UGT3A1: variants seen among roughly 807,000 people sequenced by gnomAD.
UGT3A1 encodes UDP-glycosyltransferase 3A1.
A neutral mutation model predicts 37.6 loss-of-function variants in UGT3A1; 40 were observed. The observed-to-expected ratio is 1.06, with a 90% confidence interval of 0.83 to 1.38. The LOEUF (loss-of-function observed/expected upper bound fraction) is 1.38, where lower values mean the gene tolerates loss of function less well. UGT3A1 is among the 40% of genes most tolerant of loss of function. The probability of loss-of-function intolerance (pLI) is 0.00; values close to 1 mark genes in which losing one functional copy is unlikely to be tolerated. For missense variants in UGT3A1, 642 were observed against 634.2 expected, an observed-to-expected ratio of 1.01 and a Z score of -0.13; for synonymous variants, 256 against 232.3, an observed-to-expected ratio of 1.10 and a Z score of -0.93.
At chr5:35,989,491 G>C (rs924709969) in intron 1 of UGT3A1, among the ~76,000 whole-genome samples, 14 of 152,202 alleles carry the variant, frequency 9.2e-5, no homozygotes, top group Non-Finnish European at 1.8e-4. Context: ...GCAGCTGTCT[G>C]AATGACTCAC....
chr5:35,984,662 A>T, intron 2 of UGT3A1, among the ~76,000 whole-genome samples: 1 of 151,904 alleles, frequency 6.6e-6, no homozygotes, highest in East Asian at 1.9e-4. Context: ...TGGTAGAGAC[A>T]GGGTTTCGCC....
intron 4 of UGT3A1, among the ~76,000 whole-genome samples, chr5:35,963,819 G>A (rs938048747): frequency 6.6e-6 from 1 of 152,218 alleles, no homozygotes; most frequent in Non-Finnish European, 1.5e-5. Flanking sequence ...AGCTGGGAAG[G>A]GAGGGGTTAA....
chr5:35,972,114 T>C (rs910126189), intron 2 of UGT3A1, among the ~76,000 whole-genome samples: 1 of 152,090 alleles, frequency 6.6e-6, no homozygotes, highest in Admixed American at 6.6e-5. Context: ...AAGGAAGCCA[T>C]AAAACAGAGG....
Position 35,965,258 on chromosome 5 carries a change from C to T in UGT3A1, c.843+128G>A, listed in dbSNP as rs1182292829. On this transcript the variant is annotated intron_variant, in intron 4 of 6. Coordinates refer to ENST00000274278, the MANE Select transcript of UGT3A1 (RefSeq NM_152404.4). The stretch of plus-strand genomic sequence containing the variant: ...TGAAAGTCAGCACTTCCTTTAAGAA[C>T]GTGCCCTAGGTGCCTCCTTTGCCAA... 18 of 1,387,556 alleles carry T rather than the reference C, an allele frequency of 1.3e-5. No homozygotes were observed. The East Asian group carries it at 1.6e-4, about 13-fold the overall frequency. 86.0% of individuals were successfully genotyped at this position (1,387,556 alleles called of 1,614,324 possible).
At chr5:35,993,758 C>G (rs1265261505), upstream of UGT3A1, among the ~76,000 whole-genome samples, 3 of 152,166 alleles carry the variant, frequency 2.0e-5, no homozygotes, top group Non-Finnish European at 2.9e-5. Context: ...TGCAGCCTCT[C>G]ATCTCTCGTG....
chr5:35,977,379 C>T (rs944199753), intron 2 of UGT3A1, among the ~76,000 whole-genome samples: 1 of 152,146 alleles, frequency 6.6e-6, no homozygotes, highest in Non-Finnish European at 1.5e-5. Flanking sequence ...TGGATGTTTG[C>T]CCCCTCCAAA....
chr5:35,998,666 G>A lies in UGT3A1; in HGVS notation c.-159-1337C>T, dbSNP rs73076188. ...CCACTGGATAAAGCCAAAATAGAAT[G>A]GTATACAGGTGGATCTTATTTAAGA... On this transcript the variant is annotated intron_variant, in intron 1 of 5. Transcript: ENST00000625798. Among the ~76,000 whole-genome samples, 1,405 of 152,222 alleles carry A rather than the reference G, an allele frequency of 9.2e-3. 32 individuals carry two copies. Among genetic ancestry groups the A allele is most frequent in the African/African-American group, 0.032 (1,346 of 41,528 alleles).
At chr5:35,979,496 A>G (rs975233204) in intron 2 of UGT3A1, among the ~76,000 whole-genome samples, 1 of 152,078 alleles carries the variant, frequency 6.6e-6, no homozygotes, top group African/African-American at 2.4e-5. Flanking sequence ...TCAGTTCCTC[A>G]TAAGTTCCTC....
At chr5:35,985,079 T>TATAA (rs1554074568) in intron 2 of UGT3A1, among the ~76,000 whole-genome samples, 6 of 116,026 alleles carry the variant, frequency 5.2e-5, no homozygotes, top group Admixed American at 1.8e-4. Context: ...ACATAAAATA[T>TATAA]AAAAAAAAAA....
At chr5:35,999,632 T>A (rs1236910599) in intron 1 of UGT3A1, among the ~76,000 whole-genome samples, 2 of 152,186 alleles carry the variant, frequency 1.3e-5, no homozygotes, top group African/African-American at 4.8e-5. Context: ...GGAATCCAGA[T>A]AAAATGAAAC....
intron 4 of UGT3A1, among the ~76,000 whole-genome samples, chr5:35,964,196 C>G (rs1739704757): frequency 2.0e-5 from 3 of 152,070 alleles, no homozygotes; most frequent in Admixed American, 1.3e-4. Context: ...CTCATAATCT[C>G]AACTCCCATT....
At chr5:35,965,257 A>C in intron 4 of UGT3A1, 129 bp downstream of exon 4, 3 of 1,391,750 alleles carry the variant, frequency 2.2e-6, no homozygotes, top group Non-Finnish European at 2.9e-6. Flanking sequence ...TCCTTTAAGA[A>C]CGTGCCCTAG....
chr5:35,985,520 A>G (rs1468935629), intron 2 of UGT3A1, among the ~76,000 whole-genome samples: 2 of 152,164 alleles, frequency 1.3e-5, no homozygotes, highest in African/African-American at 4.8e-5. Context: ...ACATAGACCA[A>G]TGGAACAGAA....
chr5:35,954,033 C>G lies in UGT3A1; in HGVS notation c.*169G>C. On this transcript the variant is annotated 3_prime_UTR_variant, in exon 7 of 7. Transcript: ENST00000274278. ...TCACAAGGGGCAAGTCAAGAAGCCT[C>G]AGTGGTGCGTGAAGATTTCTAAACA... The G allele has an allele frequency of 1.4e-6, 1 of 733,522 alleles. No homozygotes were observed. The allele number at this position is 733,522 out of a possible 1,614,324, so 45.4% of individuals were successfully genotyped here.
At chr5:35,983,075 G>A (rs1222207986) in intron 2 of UGT3A1, among the ~76,000 whole-genome samples, 2 of 152,026 alleles carry the variant, frequency 1.3e-5, no homozygotes, top group African/African-American at 4.8e-5. Context: ...GGAACTGTGA[G>A]TCAATTACAC....
At position 35,991,307 on chromosome 5, in the gene UGT3A1, G is replaced by A; in HGVS notation, c.-67C>T. 1 of 1,604,798 alleles carries A rather than the reference G, an allele frequency of 6.2e-7. No individual in the cohort carries two copies. Among genetic ancestry groups the A allele is most frequent in the Non-Finnish European group, 8.5e-7 (1 of 1,175,150 alleles). On this transcript the variant is annotated 5_prime_UTR_variant, in exon 1 of 7. Transcript: ENST00000274278. The stretch of plus-strand genomic sequence containing the variant: ...CGCCCTGCGCCGGGCTAAGGACTCT[G>A]TGCGCGCCTCAGTACTCCAAAGGCA...
rs1291114871 is a variant in UGT3A1, at chr5:35,955,718, C to T, written c.1222G>A (p.Val408Ile). ...GTGACCTGATTCAACCGGATAGAGA[C>T]ACCATAATTTTTGGCTACTACTCGG... Reference protein sequence around the residue: ...MVRVVAKNYGVSIRLNQVTAD... With the variant: ...MVRVVAKNYGISIRLNQVTAD... Residue 408 changes from valine (V) to isoleucine (I), a missense_variant, in exon 6 of 7, where the codon GTC becomes ATC. Val to Ile is a conservative substitution (Grantham distance 29, BLOSUM62 3). Transcript: ENST00000274278. 1.2e-6 allele frequency: 2 copies of T among 1,614,152 alleles called. No homozygotes were observed. Among genetic ancestry groups the T allele is most frequent in the East Asian group, 2.2e-5 (1 of 44,880 alleles).
chr5:35,971,025 A>G (rs561798002), intron 2 of UGT3A1, among the ~76,000 whole-genome samples: 36 of 152,340 alleles, frequency 2.4e-4, no homozygotes, highest in African/African-American at 8.2e-4. Flanking sequence ...GCCTATTTCA[A>G]TAGGATCTCA....
intron 2 of UGT3A1, among the ~76,000 whole-genome samples, chr5:35,981,652 T>C (rs1270535169): frequency 6.6e-6 from 1 of 152,170 alleles, no homozygotes; most frequent in African/African-American, 2.4e-5. Flanking sequence ...TATATTTCAC[T>C]GGGAAATATA....
Sources: gnomAD v4.1 joint callset for allele counts (sites outside exome capture counted in the v4.1 genomes callset) on GRCh38, gnomAD v4.1.1 for gene constraint, MANE v1.5 for transcripts, NCBI Gene and HGNC (gene_info 2026-07-23, HGNC 2026-07-21) for gene names.